Variants in TMEM108 observed in about 807,000 individuals in gnomAD.
TMEM108 encodes cancer/testis antigen 124.
Under a neutral mutation model 35.1 loss-of-function variants are expected in TMEM108, and 12 were observed. That is an observed-to-expected ratio of 0.34 (90% CI 0.22 to 0.55). The LOEUF is 0.55. Ranked by LOEUF, TMEM108 falls within the 20% of genes least tolerant of loss-of-function variation. The pLI is 0.89. For missense variants in TMEM108, 680 were observed against 753.3 expected (o/e 0.90, Z 1.14); for synonymous variants, 287 against 308.6 (o/e 0.93, Z 0.73).
Position 133,151,083 on chromosome 3 carries a change from C to T in TMEM108, c.-46-78183C>T, listed in dbSNP as rs35658488. On this transcript the variant is annotated intron_variant, in intron 2 of 5. Transcript: ENST00000321871. Reference sequence around the variant, plus strand: ...AACCCTTTTTTATTCCTTTAGCTCTCCTGTTTCACCACCATTTTTTCCAGG... The same window carrying T: ...AACCCTTTTTTATTCCTTTAGCTCTTCTGTTTCACCACCATTTTTTCCAGG... Among the ~76,000 whole-genome samples, 869 of 152,230 alleles carry T rather than the reference C, an allele frequency of 5.7e-3. 6 individuals carry two copies. Among genetic ancestry groups the T allele is most frequent in the African/African-American group, 0.019 (770 of 41,530 alleles).
chr3:133,324,233 AC>A (rs371016043), intron 3 of TMEM108, among the ~76,000 whole-genome samples: 6 of 152,336 alleles, frequency 3.9e-5, no homozygotes, highest in African/African-American at 1.4e-4. Flanking sequence ...GAGTAAACAG[AC>A]AACCCAGAGA....
At chr3:133,370,457 G>GGAT (rs749648217) in intron 3 of TMEM108, among the ~76,000 whole-genome samples, 2 of 152,114 alleles carry the variant, frequency 1.3e-5, no homozygotes, top group Non-Finnish European at 2.9e-5. Flanking sequence ...TTATCACTGT[G>GGAT]GATGCTGGCC....
intron 2 of TMEM108, among the ~76,000 whole-genome samples, chr3:133,105,102 G>A (rs1944133734): frequency 6.6e-6 from 1 of 152,168 alleles, no homozygotes; most frequent in African/African-American, 2.4e-5. Context: ...AATACTACAA[G>A]TTTATTATCT....
chr3:133,211,866 G>T (rs1251632506), intron 2 of TMEM108, among the ~76,000 whole-genome samples: 1 of 152,014 alleles, frequency 6.6e-6, no homozygotes, highest in Non-Finnish European at 1.5e-5. Flanking sequence ...AGATTTAACA[G>T]TTTTTCTCTT....
chr3:133,163,713 A>G (rs926216740), intron 2 of TMEM108, among the ~76,000 whole-genome samples: 1 of 152,016 alleles, frequency 6.6e-6, no homozygotes, highest in Non-Finnish European at 1.5e-5. Context: ...GATATTTTAG[A>G]CCTCCGTGCC....
At chr3:133,115,773 C>G (rs1457622159) in intron 2 of TMEM108, among the ~76,000 whole-genome samples, 1 of 152,192 alleles carries the variant, frequency 6.6e-6, no homozygotes, top group Non-Finnish European at 1.5e-5. Context: ...CTGCTATATG[C>G]AGGCACTATA....
intron 3 of TMEM108, among the ~76,000 whole-genome samples, chr3:133,232,173 A>G (rs1304975220): frequency 6.6e-6 from 1 of 152,128 alleles, no homozygotes; most frequent in Non-Finnish European, 1.5e-5. Context: ...TCCAAGTCTA[A>G]TGTTGAAATT....
At chr3:133,049,509 C>A (rs1490837846) in intron 2 of TMEM108, among the ~76,000 whole-genome samples, 1 of 152,112 alleles carries the variant, frequency 6.6e-6, no homozygotes, top group African/African-American at 2.4e-5. Context: ...TATAACAAGA[C>A]CTCAACTCAT....
intron 3 of TMEM108, among the ~76,000 whole-genome samples, chr3:133,256,186 C>G (rs987293498): frequency 2.6e-5 from 4 of 152,080 alleles, no homozygotes; most frequent in African/African-American, 9.7e-5. Context: ...CTTTAAAATG[C>G]TGATAGAAAA....
intron 2 of TMEM108, among the ~76,000 whole-genome samples, chr3:133,170,934 C>T (rs1324033111): frequency 6.6e-6 from 1 of 152,124 alleles, no homozygotes; most frequent in Non-Finnish European, 1.5e-5. Context: ...AGTCCATGTT[C>T]CTAACATTCA....
intron 3 of TMEM108, among the ~76,000 whole-genome samples, chr3:133,238,738 A>G (rs2107658846): frequency 6.6e-6 from 1 of 152,280 alleles, no homozygotes; most frequent in East Asian, 1.9e-4. Flanking sequence ...GATAAATGAG[A>G]GGAAATTTTT....
intron 3 of TMEM108, among the ~76,000 whole-genome samples, chr3:133,323,111 GC>G (rs560692015): frequency 3.8e-4 from 58 of 152,250 alleles, no homozygotes; most frequent in African/African-American, 1.3e-3. Flanking sequence ...AGACAATGAT[GC>G]CCACTTTCTC....
chr3:133,369,573 C>A (rs1178545089), intron 3 of TMEM108, among the ~76,000 whole-genome samples: 1 of 152,168 alleles, frequency 6.6e-6, no homozygotes, highest in Non-Finnish European at 1.5e-5. Flanking sequence ...GTCTCTCTGA[C>A]CATTTCACCT....
At chr3:133,163,290 C>A (rs773272274) in intron 2 of TMEM108, among the ~76,000 whole-genome samples, 1 of 152,176 alleles carries the variant, frequency 6.6e-6, no homozygotes, top group Non-Finnish European at 1.5e-5. Flanking sequence ...AACTTATATA[C>A]TGGCCATTGT....
intron 3 of TMEM108, among the ~76,000 whole-genome samples, chr3:133,287,638 G>A (rs1947004119): frequency 6.6e-6 from 1 of 152,192 alleles, no homozygotes; most frequent in African/African-American, 2.4e-5. Flanking sequence ...GAGAAGATAT[G>A]TTGATAAGAT....
chr3:133,301,711 A>G (rs906120802), intron 3 of TMEM108, among the ~76,000 whole-genome samples: 48 of 152,132 alleles, frequency 3.2e-4, no homozygotes, highest in Admixed American at 2.6e-4. Context: ...TCAGTTTTAT[A>G]CTCTCTGCAA....
intron 2 of TMEM108, among the ~76,000 whole-genome samples, chr3:133,206,192 A>G (rs1945751116): frequency 6.6e-6 from 1 of 152,196 alleles, no homozygotes. Flanking sequence ...CCAGTTAACA[A>G]TTCCTCTAAC....
chr3:133,319,173 G>C (rs1255408050), intron 3 of TMEM108, among the ~76,000 whole-genome samples: 1 of 152,108 alleles, frequency 6.6e-6, no homozygotes, highest in Non-Finnish European at 1.5e-5. Flanking sequence ...CCCCATGGTA[G>C]CTACGGCAAG....
chr3:133,345,319 G>C (rs115429528), intron 3 of TMEM108, among the ~76,000 whole-genome samples: 4,614 of 151,864 alleles, frequency 0.03, 215 homozygotes, highest in African/African-American at 0.097. Context: ...CCCAGAGCTA[G>C]ATGACCATGT....
Sources: gnomAD v4.1 joint callset for allele counts (sites outside exome capture counted in the v4.1 genomes callset) on GRCh38, gnomAD v4.1.1 for gene constraint, MANE v1.5 for transcripts, NCBI Gene and HGNC (gene_info 2026-07-23, HGNC 2026-07-21) for gene names.